Variants in COL4A1 observed in about 807,000 individuals in gnomAD.
The protein encoded by COL4A1 is collagen alpha-1(IV) chain.
Under a neutral mutation model 216.6 loss-of-function variants are expected in COL4A1, and 40 were observed. That is an observed-to-expected ratio of 0.18 (90% CI 0.14 to 0.24). COL4A1 has a LOEUF of 0.24. Ranked by LOEUF, COL4A1 falls within the 10% of genes least tolerant of loss-of-function variation. The probability of loss-of-function intolerance (pLI) is 1.00; values close to 1 mark genes in which losing one functional copy is unlikely to be tolerated. For synonymous variants in COL4A1, 839 were observed against 810.7 expected (o/e 1.03, Z -0.59); for missense variants, 1,628 against 2,196.8 (o/e 0.74, Z 5.18).
chr13:110,217,695 C>T (rs982403077), intron 2 of COL4A1, among the ~76,000 whole-genome samples: 5 of 152,122 alleles, frequency 3.3e-5, no homozygotes, highest in African/African-American at 7.2e-5. Flanking sequence ...GAAAATCATA[C>T]GCCAAAGCCG....
chr13:110,259,673 T>C (rs994108322), intron 1 of COL4A1, among the ~76,000 whole-genome samples: 2 of 152,248 alleles, frequency 1.3e-5, no homozygotes, highest in Non-Finnish European at 1.5e-5. Context: ...TAAAAGTGTA[T>C]TTTTAAGAAC....
At chr13:110,178,395 G>C (rs1352902121) in intron 31 of COL4A1, among the ~76,000 whole-genome samples, 164 bp from the exon 32 acceptor site, 2 of 152,194 alleles carry the variant, frequency 1.3e-5, no homozygotes, top group Non-Finnish European at 2.9e-5. Flanking sequence ...GGGGTCATCA[G>C]GATAATCAAA....
In COL4A1 at chr13:110,195,089, G is replaced by A; in HGVS notation, c.1315C>T (p.Pro439Ser). Residue 439 changes from proline to serine, a missense_variant, in exon 22 of 52, where the codon CCA becomes TCA. Coordinates refer to ENST00000375820, the MANE Select transcript of COL4A1 (RefSeq NM_001845.6). ...NGIVECQPGP[P>S]GDQGPPGIPG... ...ATTCCAGGAGGACCCTGGTCACCTG[G>A]AGGTCCGGGCTGACATTCCACAATT... 1 of 1,614,194 alleles carries A rather than the reference G, an allele frequency of 6.2e-7. No homozygotes were observed. The highest frequency in any genetic ancestry group is 1.1e-5 in the South Asian group (1 of 91,088).
intron 2 of COL4A1, among the ~76,000 whole-genome samples, chr13:110,239,530 G>A (rs1881464279): frequency 1.3e-5 from 2 of 152,204 alleles, no homozygotes; most frequent in South Asian, 4.1e-4. Flanking sequence ...TCAATTTAAT[G>A]TGTAGACATT....
chr13:110,159,943 G>A (rs1876991239), intron 49 of COL4A1, among the ~76,000 whole-genome samples: 1 of 152,170 alleles, frequency 6.6e-6, no homozygotes, highest in Non-Finnish European at 1.5e-5. Context: ...GGTCACCAGA[G>A]GCTGGCAGGA....
chr13:110,172,703 C>A lies in COL4A1; in HGVS notation c.3556+17G>T. On this transcript the variant is annotated intron_variant, in intron 41 of 51. Transcript: ENST00000375820. ...AGCGGTTGGTTGAAAAGGAAGAGCA[C>A]AGTGAGCAAAGATTACCTTTGTCTC... The A allele has an allele frequency of 6.2e-7, 1 of 1,612,586 alleles. No individual in the cohort carries two copies. The highest frequency in any genetic ancestry group is 1.3e-5 in the African/African-American group (1 of 75,018).
rs986595438 is a variant in COL4A1 at position 110,204,744 on chromosome 13, A to C, written c.957+609T>G. ...TTTGGTTGCATGTGGCAAAAATTTC[A>C]AAACAAGTGTCTGACTGTGGACCCC... On this transcript the variant is annotated intron_variant, in intron 17 of 51. Coordinates refer to ENST00000375820, the MANE Select transcript of COL4A1 (RefSeq NM_001845.6). Among the ~76,000 whole-genome samples the C allele has an allele frequency of 2.0e-5, 3 of 151,658 alleles. No homozygotes were observed. In the South Asian group the frequency reaches 6.2e-4, roughly 32 times the overall value.
At chr13:110,281,620 GA>G (rs1273016411) in intron 1 of COL4A1, among the ~76,000 whole-genome samples, 1 of 152,164 alleles carries the variant, frequency 6.6e-6, no homozygotes, top group African/African-American at 2.4e-5. Context: ...AAGTAATTAA[GA>G]AGACTAGTCA....
At chr13:110,292,855 G>A (rs1256392680) in intron 1 of COL4A1, among the ~76,000 whole-genome samples, 1 of 152,170 alleles carries the variant, frequency 6.6e-6, no homozygotes, top group East Asian at 1.9e-4. Context: ...TCTATGTAAA[G>A]GGTCAGGAGA....
At chr13:110,293,129 T>C (rs1034624237) in intron 1 of COL4A1, among the ~76,000 whole-genome samples, 6 of 152,196 alleles carry the variant, frequency 3.9e-5, no homozygotes, top group Non-Finnish European at 8.8e-5. Context: ...ACACTTAGTC[T>C]ACTCCCCAGT....
Position 110,251,146 on chromosome 13 carries a change from A to C in COL4A1, c.85-8412T>G, listed in dbSNP as rs565251337. Among the ~76,000 whole-genome samples, 12 of 152,322 alleles carry C rather than the reference A, an allele frequency of 7.9e-5. No homozygotes were observed. The East Asian group carries it at 2.3e-3, about 29-fold the overall frequency. ...GTTGGACTATTTCTTCCAGCTTTGG[A>C]GAACTGTGCGGCTCCCGGCTGTGCT... On this transcript the variant is annotated intron_variant, in intron 1 of 51. Coordinates refer to ENST00000375820, the MANE Select transcript of COL4A1 (RefSeq NM_001845.6).
At chr13:110,227,673 C>T (rs1880804778) in intron 2 of COL4A1, among the ~76,000 whole-genome samples, 1 of 152,152 alleles carries the variant, frequency 6.6e-6, no homozygotes. Context: ...ATACAATTGC[C>T]AACTTGGTGG....
At position 110,243,108 on chromosome 13, in the gene COL4A1, T is replaced by C. The variant is rs1162620636; in HGVS notation, c.85-374A>G. Among the ~76,000 whole-genome samples, 3 of 152,334 alleles carry C rather than the reference T, an allele frequency of 2.0e-5. No homozygotes were observed. In the East Asian group the frequency reaches 5.8e-4, roughly 29 times the overall value. ...AGCTACCCAAATGTCATGCTTCTTA[T>C]TTAGAGGTGTCAGACCTAAGACCGT... On this transcript the variant is annotated intron_variant, in intron 1 of 51. Coordinates refer to ENST00000375820, the MANE Select transcript of COL4A1 (RefSeq NM_001845.6).
In COL4A1 at chr13:110,253,329, ATATGTAT is replaced by A. The variant is rs1882293652; in HGVS notation, c.85-10602_85-10596del. Among the ~76,000 whole-genome samples the A allele has an allele frequency of 2.3e-4, 11 of 48,686 alleles. 2 individuals carry two copies. Among genetic ancestry groups the A allele is most frequent in the African/African-American group, 5.4e-4 (9 of 16,674 alleles). The allele number at this position is 48,686 out of a possible 152,430, so 31.9% of individuals were successfully genotyped here. On this transcript the variant is annotated intron_variant, in intron 1 of 51. Coordinates refer to ENST00000375820, the MANE Select transcript of COL4A1 (RefSeq NM_001845.6). ...ATATGTATTACATATACATATAATT[ATATGTAT>A]TACATATACATATAATTATATGTAT...
intron 46 of COL4A1, 70 bp from the exon 47 acceptor site, chr13:110,163,631 A>C: frequency 7.1e-7 from 1 of 1,406,540 alleles, no homozygotes; most frequent in South Asian, 1.2e-5. Context: ...CCCTTCTTAA[A>C]TGTCCTTTTC....
chr13:110,151,511 C>T (rs918210538), intron 51 of COL4A1, among the ~76,000 whole-genome samples: 1 of 152,152 alleles, frequency 6.6e-6, no homozygotes, highest in Non-Finnish European at 1.5e-5. Flanking sequence ...ATTAGAGAAG[C>T]GTGTATGTTG....
At chr13:110,289,723 A>G (rs1884008051) in intron 1 of COL4A1, among the ~76,000 whole-genome samples, 1 of 152,220 alleles carries the variant, frequency 6.6e-6, no homozygotes, top group South Asian at 2.1e-4. Flanking sequence ...AGCCACCTTC[A>G]GGGCTAAATA....
Position 110,172,476 on chromosome 13 carries a change from C to T in COL4A1, c.3556+244G>A, listed in dbSNP as rs2289800. Among the ~76,000 whole-genome samples the T allele has an allele frequency of 0.33, 50,198 of 152,158 alleles. 8,463 individuals carry two copies. Among genetic ancestry groups the T allele is most frequent in the Non-Finnish European group, 0.37 (25,071 of 67,996 alleles). On this transcript the variant is annotated intron_variant, in intron 41 of 51. Coordinates refer to ENST00000375820, the MANE Select transcript of COL4A1 (RefSeq NM_001845.6). Reference sequence around the variant, plus strand: ...GTCTCGCCTCTCTGCTGGATTTTTACAAAATTAGTCCAAGTAAAAGATAAT... The same window carrying T: ...GTCTCGCCTCTCTGCTGGATTTTTATAAAATTAGTCCAAGTAAAAGATAAT...
intron 1 of COL4A1, among the ~76,000 whole-genome samples, chr13:110,267,210 G>A (rs1446817986): frequency 3.3e-5 from 5 of 152,158 alleles, no homozygotes; most frequent in East Asian, 3.9e-4. Flanking sequence ...CCACACAGGC[G>A]AGGGGAAGGA....
Sources: allele counts gnomAD v4.1 joint callset (sites outside exome capture counted in the v4.1 genomes callset), GRCh38; gene constraint gnomAD v4.1.1; transcripts MANE v1.5; gene names NCBI Gene and HGNC (gene_info 2026-07-23, HGNC 2026-07-21).